ARID1B: variants seen among roughly 807,000 people sequenced by gnomAD.
ARID1B encodes the protein AT-rich interactive domain-containing protein 1B.
A neutral mutation model predicts 212.3 loss-of-function variants in ARID1B; 30 were observed. That is an observed-to-expected ratio of 0.14 (90% CI 0.11 to 0.19). The LOEUF (loss-of-function observed/expected upper bound fraction) is 0.19. Ranked by LOEUF, ARID1B falls within the 10% of genes least tolerant of loss-of-function variation. The pLI is 1.00. For missense variants in ARID1B, 2,891 were observed against 3,204.0 expected (o/e 0.90, Z 2.36); for synonymous variants, 1,402 against 1,301.7 (o/e 1.08, Z -1.66).
chr6:156,836,800 G>A (rs1001664195), intron 2 of ARID1B, among the ~76,000 whole-genome samples: 1 of 152,126 alleles, frequency 6.6e-6, no homozygotes, highest in African/African-American at 2.4e-5. Context: ...GAGTAGCTGG[G>A]ACTACAGGTA....
intron 2 of ARID1B, among the ~76,000 whole-genome samples, chr6:156,858,691 C>T (rs973591807): frequency 6.6e-6 from 1 of 152,114 alleles, no homozygotes; most frequent in African/African-American, 2.4e-5. Flanking sequence ...ATCGCTTGGA[C>T]CCAGAAGGTG....
chr6:156,803,235 A>G lies in ARID1B; in HGVS notation c.1791+23764A>G, dbSNP rs535102087. Among the ~76,000 whole-genome samples, 4 of 152,320 alleles carry G rather than the reference A, an allele frequency of 2.6e-5. No individual in the cohort carries two copies. The South Asian group carries it at 8.3e-4, about 32-fold the overall frequency. The stretch of plus-strand genomic sequence containing the variant: ...TCTTGTACATTTATTAAGCCTTTTC[A>G]ATGAAGATTTAAGAGCCAACATTTT... On this transcript the variant is annotated intron_variant, in intron 1 of 19. Coordinates refer to ENST00000636930, the MANE Select transcript of ARID1B (RefSeq NM_001374828.1).
intron 6 of ARID1B, among the ~76,000 whole-genome samples, chr6:157,117,185 G>A (rs941104926): frequency 6.6e-6 from 1 of 152,050 alleles, no homozygotes; most frequent in Non-Finnish European, 1.5e-5. Flanking sequence ...TTCTTTTTGC[G>A]TACTACTACA....
chr6:156,856,879 A>G (rs1270383929), intron 2 of ARID1B, among the ~76,000 whole-genome samples: 1 of 152,046 alleles, frequency 6.6e-6, no homozygotes, highest in African/African-American at 2.4e-5. Flanking sequence ...AGTAATACAT[A>G]TCTAAACTGG....
chr6:157,000,602 C>G (rs181612251), intron 4 of ARID1B, among the ~76,000 whole-genome samples: 122 of 151,772 alleles, frequency 8.0e-4, no homozygotes, highest in African/African-American at 2.6e-3. Context: ...AATGTTCTTA[C>G]ATTTTCCCAC....
intron 3 of ARID1B, among the ~76,000 whole-genome samples, chr6:156,917,156 A>C (rs991237206): frequency 3.9e-5 from 6 of 152,058 alleles, no homozygotes; most frequent in Non-Finnish European, 8.8e-5. Context: ...GAGAGTATGG[A>C]TCTTTTTAAA....
At chr6:156,946,176 G>C (rs1373043795) in intron 4 of ARID1B, among the ~76,000 whole-genome samples, 1 of 149,366 alleles carries the variant, frequency 6.7e-6, no homozygotes, top group Admixed American at 6.7e-5. Flanking sequence ...GGCCAACATG[G>C]TGAAACCCCG....
chr6:157,129,165 A>G (rs1788355461), intron 6 of ARID1B, among the ~76,000 whole-genome samples: 1 of 152,270 alleles, frequency 6.6e-6, no homozygotes, highest in African/African-American at 2.4e-5. Context: ...CACAGATTAT[A>G]GGACACTTTG....
chr6:156,903,507 G>A (rs1453578731), intron 3 of ARID1B, among the ~76,000 whole-genome samples: 1 of 152,152 alleles, frequency 6.6e-6, no homozygotes, highest in Admixed American at 6.5e-5. Context: ...CATTTGAGTG[G>A]CCTAATCAGA....
intron 12 of ARID1B, 97 bp from the exon 13 acceptor site, chr6:157,184,131 TGAA>T (rs753048924): frequency 2.5e-5 from 27 of 1,073,882 alleles, no homozygotes; most frequent in Non-Finnish European, 3.5e-5. Context: ...AAGAGGCAAA[TGAA>T]GAAAAGTCAA....
chr6:157,138,925 G>A (rs531011843), intron 7 of ARID1B, among the ~76,000 whole-genome samples: 2 of 152,312 alleles, frequency 1.3e-5, no homozygotes, highest in South Asian at 2.1e-4. Context: ...TCATAGCAAA[G>A]GATAGGTGAA....
At chr6:157,097,810 T>C (rs1191474913) in intron 5 of ARID1B, among the ~76,000 whole-genome samples, 1 of 152,226 alleles carries the variant, frequency 6.6e-6, no homozygotes, top group East Asian at 1.9e-4. Context: ...ACAGCTTTTT[T>C]TCTTCTCCCC....
At chr6:157,095,444 G>A (rs1248928840) in intron 5 of ARID1B, among the ~76,000 whole-genome samples, 5 of 152,254 alleles carry the variant, frequency 3.3e-5, no homozygotes, top group African/African-American at 1.2e-4. Context: ...ACCCAAAAAG[G>A]TAGAGACTGT....
chr6:156,897,212 GCTGCTGCTT>G (rs1311884765), intron 2 of ARID1B, among the ~76,000 whole-genome samples: 8 of 70,030 alleles, frequency 1.1e-4, no homozygotes, highest in African/African-American at 3.3e-4. Context: ...TGCTGCTGCT[GCTGCTGCTT>G]CTTCTTCTTC....
rs555132244 is a variant in ARID1B, at chr6:157,206,412, C to A, written c.5640C>A (p.Ser1880Arg). 1.9e-6 allele frequency: 3 copies of A among 1,614,110 alleles called. No homozygotes were observed. Among genetic ancestry groups the A allele is most frequent in the Middle Eastern group, 1.6e-4 (1 of 6,062 alleles). Reference sequence around the variant, plus strand: ...AGGAAGACAGCGAGAAGACAGAAAGCGATGAAAAGAGCAGCATCGCTCTGA... The same window carrying A: ...AGGAAGACAGCGAGAAGACAGAAAGAGATGAAAAGAGCAGCATCGCTCTGA... ...DEEEDSEKTESDEKSSIALTA... is the reference protein window; with the variant it reads ...DEEEDSEKTERDEKSSIALTA... The change falls in exon 20 of 20, where the codon AGC (serine) becomes AGA (arginine). Residue 1880 changes from serine to arginine, a missense_variant. Ser to Arg is a moderately radical substitution (Grantham distance 110). Around this residue, in one of 7 missense-constraint regions of ARID1B, gnomAD observed 332 missense variants for 369.2 expected, o/e 0.90. Transcript: ENST00000636930. The surrounding 1 kb of genome is among the most constrained non-coding windows in gnomAD (Gnocchi z 6.8).
At chr6:157,169,788 T>C (rs1791587486) in intron 9 of ARID1B, 1 of 152,198 alleles carries the variant, frequency 6.6e-6, no homozygotes, top group Non-Finnish European at 1.5e-5. Context: ...CAGACGCTAC[T>C]CTACAAAATG....
intron 4 of ARID1B, among the ~76,000 whole-genome samples, chr6:157,034,159 G>T (rs1781179325): frequency 6.6e-6 from 1 of 152,086 alleles, no homozygotes; most frequent in Non-Finnish European, 1.5e-5. Flanking sequence ...TTATGAATTA[G>T]AATTTATTTT....
intron 4 of ARID1B, among the ~76,000 whole-genome samples, chr6:157,042,940 C>T (rs1181713468): frequency 1.3e-5 from 2 of 152,152 alleles, no homozygotes; most frequent in Non-Finnish European, 2.9e-5. Context: ...GGATTACAGG[C>T]ATGAGCCACC....
chr6:156,905,295 G>A (rs1345295669), intron 3 of ARID1B, among the ~76,000 whole-genome samples: 3 of 125,480 alleles, frequency 2.4e-5, no homozygotes, highest in African/African-American at 1.0e-4. Flanking sequence ...TTTATTATAA[G>A]GAATTGGCTC....
Sources: allele counts gnomAD v4.1 joint callset (sites outside exome capture counted in the v4.1 genomes callset), GRCh38; gene constraint gnomAD v4.1.1; regional missense constraint gnomAD v4.1.1; non-coding constraint Gnocchi (gnomAD v3.1); transcripts MANE v1.5; gene names NCBI Gene and HGNC (gene_info 2026-07-23, HGNC 2026-07-21).